EVI5: variants seen among roughly 807,000 people sequenced by gnomAD.
EVI5 encodes the protein ecotropic viral integration site 5 protein homolog.
Under a neutral mutation model 112.0 loss-of-function variants are expected in EVI5, and 73 were observed. That is an observed-to-expected ratio of 0.65 (90% CI 0.54 to 0.79). EVI5 has a LOEUF of 0.79. EVI5 is among the 30% of genes least tolerant of loss of function. The probability of loss-of-function intolerance (pLI) is 0.00; values close to 1 mark genes in which losing one functional copy is unlikely to be tolerated. For synonymous variants in EVI5, 305 were observed against 319.9 expected, an observed-to-expected ratio of 0.95 and a Z score of 0.50; for missense variants, 900 against 968.8, an observed-to-expected ratio of 0.93 and a Z score of 0.94.
chr1:92,610,706 A>C (rs923812999), intron 16 of EVI5, among the ~76,000 whole-genome samples: 1 of 152,218 alleles, frequency 6.6e-6, no homozygotes, highest in Non-Finnish European at 1.5e-5. Context: ...CTGAAGAAAT[A>C]ATTAGTGTCC....
upstream of EVI5, among the ~76,000 whole-genome samples, chr1:92,788,922 G>A (rs972671719): frequency 3.3e-5 from 5 of 152,234 alleles, no homozygotes; most frequent in South Asian, 2.1e-4. Context: ...ACACTATTTC[G>A]TTTAATCCTC....
chr1:92,660,978 G>A (rs186967216), intron 13 of EVI5, among the ~76,000 whole-genome samples: 4 of 151,954 alleles, frequency 2.6e-5, no homozygotes, highest in Non-Finnish European at 4.4e-5. Flanking sequence ...GAAAGAGAGA[G>A]ACCTGAGAAG....
At chr1:92,702,253 A>C (rs775344510) in intron 4 of EVI5, 38 bp from the exon 5 acceptor site, 1 of 1,071,354 alleles carries the variant, frequency 9.3e-7, no homozygotes, top group African/African-American at 1.7e-5. Context: ...ATACATGGTA[A>C]GTTATACCTT....
chr1:92,735,630 GAT>G lies in EVI5; in HGVS notation c.149+766_149+767del, dbSNP rs1056139529. Among the ~76,000 whole-genome samples the G allele has an allele frequency of 6.0e-4, 40 of 67,032 alleles. 1 individual carries two copies. The highest frequency in any genetic ancestry group is 1.9e-3 in the African/African-American group (33 of 17,726). The allele number at this position is 67,032 out of a possible 152,430, so 44.0% of individuals were successfully genotyped here. ...TATTATATATAATTATATGATATAT[GAT>G]ATATGTCATATATATATATAATTAT... On this transcript the variant is annotated intron_variant, in intron 2 of 19. Transcript: ENST00000684568.
chr1:92,562,236 A>C (rs1206518894), intron 19 of EVI5, among the ~76,000 whole-genome samples: 1 of 152,202 alleles, frequency 6.6e-6, no homozygotes, highest in African/African-American at 2.4e-5. Context: ...TCGATTTAAA[A>C]ATATTATAAT....
At chr1:92,547,950 C>T (rs574156179) in intron 19 of EVI5, among the ~76,000 whole-genome samples, 8 of 151,926 alleles carry the variant, frequency 5.3e-5, no homozygotes, top group Admixed American at 2.6e-4. Context: ...CCTTCTGAAA[C>T]TATTCCAATC....
intron 18 of EVI5, among the ~76,000 whole-genome samples, chr1:92,599,243 T>C (rs1648600384): frequency 6.6e-6 from 1 of 152,040 alleles, no homozygotes; most frequent in South Asian, 2.1e-4. Flanking sequence ...ACAGATTAAA[T>C]AATAATTTAT....
intron 18 of EVI5, among the ~76,000 whole-genome samples, chr1:92,578,897 G>A (rs1392114228): frequency 6.6e-6 from 1 of 151,952 alleles, no homozygotes; most frequent in African/African-American, 2.4e-5. Flanking sequence ...TTTTTAAATA[G>A]AGACCAAGTC....
intron 18 of EVI5, among the ~76,000 whole-genome samples, chr1:92,587,066 T>C (rs913206700): frequency 4.6e-5 from 7 of 152,158 alleles, no homozygotes; most frequent in Non-Finnish European, 1.0e-4. Context: ...GATATAGCAA[T>C]ATCCTAAAAA....
intron 2 of EVI5, among the ~76,000 whole-genome samples, chr1:92,720,115 G>C (rs1247786847): frequency 6.6e-6 from 1 of 151,998 alleles, no homozygotes; most frequent in East Asian, 1.9e-4. Context: ...GTAATTTATA[G>C]ATTCAATGCT....
intron 16 of EVI5, among the ~76,000 whole-genome samples, chr1:92,619,861 GGAAA>G (rs1291626825): frequency 1.3e-5 from 2 of 151,998 alleles, no homozygotes; most frequent in Non-Finnish European, 2.9e-5. Flanking sequence ...ACAAAGCAAT[GGAAA>G]GAATGAGTGA....
At chr1:92,566,971 T>C (rs1000490994) in intron 18 of EVI5, among the ~76,000 whole-genome samples, 1 of 152,056 alleles carries the variant, frequency 6.6e-6, no homozygotes, top group African/African-American at 2.4e-5. Flanking sequence ...CATGCCTAGC[T>C]AATTTTTATA....
chr1:92,576,655 G>A (rs1391182502), intron 18 of EVI5, among the ~76,000 whole-genome samples: 2 of 152,150 alleles, frequency 1.3e-5, no homozygotes, highest in African/African-American at 4.8e-5. Context: ...CTTTTGAATG[G>A]CTGATTTTTA....
chr1:92,586,588 GT>G (rs11411646), intron 18 of EVI5, among the ~76,000 whole-genome samples: 16 of 108,990 alleles, frequency 1.5e-4, no homozygotes, highest in African/African-American at 4.8e-4. Flanking sequence ...ATTAATGTAG[GT>G]TTTTTTTTTT....
rs979655047 is a variant in EVI5, at chr1:92,607,806, C to T, written c.1828-79G>A. ...AAAAAAATTACCTATCCATTTTATA[C>T]CATAACATTATTAAAAATGTTACTA... is the stretch of plus-strand genomic sequence containing the variant. On this transcript the variant is annotated intron_variant, in intron 16 of 19. Coordinates refer to ENST00000684568, the MANE Select transcript of EVI5 (RefSeq NM_001350197.2). The T allele has an allele frequency of 2.1e-5, 18 of 861,690 alleles. 1 individual carries two copies. Among genetic ancestry groups the T allele is most frequent in the Admixed American group, 2.0e-4 (6 of 29,778 alleles). 53.4% of individuals were successfully genotyped at this position (861,690 alleles called of 1,614,324 possible). A position where few individuals can be genotyped will look rare whatever the true frequency, so the allele number is the denominator to read the frequency against.
intron 2 of EVI5, among the ~76,000 whole-genome samples, chr1:92,718,300 A>T (rs537157767): frequency 7.9e-5 from 12 of 152,264 alleles, no homozygotes; most frequent in South Asian, 4.1e-4. Flanking sequence ...GAAGTAAAGC[A>T]CTCCTCAGCA....
At chr1:92,630,812 TA>T (rs1385737587) in intron 14 of EVI5, among the ~76,000 whole-genome samples, 2 of 152,250 alleles carry the variant, frequency 1.3e-5, no homozygotes, top group Non-Finnish European at 1.5e-5. Flanking sequence ...GTCTAACATT[TA>T]AATCTTTAAT....
At chr1:92,738,274 T>A (rs543503195) in intron 1 of EVI5, among the ~76,000 whole-genome samples, 36 of 152,104 alleles carry the variant, frequency 2.4e-4, no homozygotes, top group Non-Finnish European at 5.1e-4. Context: ...AACTATAAAC[T>A]CAATTGTGAA....
chr1:92,515,236 G>T (rs560455269), intron 19 of EVI5, among the ~76,000 whole-genome samples: 1 of 152,358 alleles, frequency 6.6e-6, no homozygotes, highest in Admixed American at 6.5e-5. Context: ...GGGTGGGCAA[G>T]TCTGACTAAT....
Sources: allele counts gnomAD v4.1 joint callset (sites outside exome capture counted in the v4.1 genomes callset), GRCh38; gene constraint gnomAD v4.1.1; transcripts MANE v1.5; gene names NCBI Gene and HGNC (gene_info 2026-07-23, HGNC 2026-07-21).